Variants in CACHD1 observed in about 807,000 individuals in gnomAD.
CACHD1 encodes VWFA and cache domain-containing protein 1.
In CACHD1, 71 loss-of-function variants were observed where a neutral mutation model predicts 138.7. The observed-to-expected ratio is 0.51, with a 90% confidence interval of 0.42 to 0.62. The LOEUF (loss-of-function observed/expected upper bound fraction) is 0.62, where lower values mean the gene tolerates loss of function less well. Ranked by LOEUF, CACHD1 falls within the 20% of genes least tolerant of loss-of-function variation. The pLI, the probability that CACHD1 is intolerant of heterozygous loss-of-function variation, is 0.00. For missense variants in CACHD1, 1,389 were observed against 1,625.3 expected (o/e 0.85, Z 2.50); for synonymous variants, 578 against 591.5 (o/e 0.98, Z 0.33).
intron 4 of CACHD1, among the ~76,000 whole-genome samples, chr1:64,611,113 A>G (rs1647517165): frequency 6.6e-6 from 1 of 152,156 alleles, no homozygotes; most frequent in Admixed American, 6.5e-5. Flanking sequence ...ACAGAGCACC[A>G]CATCCTGAGG....
At chr1:64,541,839 G>A (rs1313639245) in intron 1 of CACHD1, among the ~76,000 whole-genome samples, 1 of 152,048 alleles carries the variant, frequency 6.6e-6, no homozygotes. Flanking sequence ...ACAGAATGAG[G>A]TGGGAGTTGA....
chr1:64,558,722 A>T (rs12061183), intron 2 of CACHD1, among the ~76,000 whole-genome samples: 9,220 of 152,248 alleles, frequency 0.061, 467 homozygotes, highest in South Asian at 0.2. Context: ...ACCTACAGAA[A>T]GGGAGAAAAT....
intron 2 of CACHD1, among the ~76,000 whole-genome samples, chr1:64,564,520 A>C (rs949384164): frequency 6.6e-6 from 1 of 152,204 alleles, no homozygotes; most frequent in African/African-American, 2.4e-5. Flanking sequence ...AAATATTTAC[A>C]TAAGTCTTTC....
chr1:64,610,534 C>T lies in CACHD1; in HGVS notation c.517+7622C>T, dbSNP rs576739454. Among the ~76,000 whole-genome samples the T allele has an allele frequency of 4.6e-5, 7 of 152,328 alleles. No individual in the cohort carries two copies. In the South Asian group the frequency reaches 1.5e-3, roughly 32 times the overall value. On this transcript the variant is annotated intron_variant, in intron 4 of 26. Coordinates refer to ENST00000651257, the MANE Select transcript of CACHD1 (RefSeq NM_020925.4). ...CATGCAAGTCGAAAATCAAAGAGGG[C>T]AGTCATTAAACTTTAAAGTTCCAAA...
At chr1:64,583,494 A>G (rs369869439) in intron 3 of CACHD1, among the ~76,000 whole-genome samples, 2 of 152,232 alleles carry the variant, frequency 1.3e-5, no homozygotes, top group African/African-American at 4.8e-5. Flanking sequence ...TGAACATTTC[A>G]GTGAAATCAA....
chr1:64,623,552 T>G (rs1647991710), intron 4 of CACHD1, among the ~76,000 whole-genome samples: 1 of 152,162 alleles, frequency 6.6e-6, no homozygotes, highest in South Asian at 2.1e-4. Flanking sequence ...ACTAGGAATC[T>G]CTGCTTTAGG....
At chr1:64,642,764 G>A (rs1453055411) in intron 8 of CACHD1, among the ~76,000 whole-genome samples, 1 of 150,008 alleles carries the variant, frequency 6.7e-6, no homozygotes, top group Non-Finnish European at 1.5e-5. Flanking sequence ...CCGTGTCTTG[G>A]CTGGACACGG....
At chr1:64,606,632 A>C (rs1380589306) in intron 4 of CACHD1, among the ~76,000 whole-genome samples, 1 of 152,242 alleles carries the variant, frequency 6.6e-6, no homozygotes, top group Non-Finnish European at 1.5e-5. Context: ...TACTGAGCCA[A>C]GACTAGACTG....
intron 23 of CACHD1, 117 bp downstream of exon 23, chr1:64,678,427 C>G (rs1443804999): frequency 9.1e-7 from 1 of 1,093,544 alleles, no homozygotes; most frequent in African/African-American, 1.6e-5. Flanking sequence ...TGCTGGTAGT[C>G]TTTAGTTACA....
At position 64,666,048 on chromosome 1, in the gene CACHD1, C is replaced by A; in HGVS notation, c.2277-9C>A. 1.4e-6 allele frequency: 2 copies of A among 1,460,942 alleles called. No individual in the cohort carries two copies. Among genetic ancestry groups the A allele is most frequent in the Non-Finnish European group, 1.9e-6 (2 of 1,063,138 alleles). 90.5% of individuals were successfully genotyped at this position (1,460,942 alleles called of 1,614,324 possible). A position where few individuals can be genotyped will look rare whatever the true frequency, so the allele number is the denominator to read the frequency against. On this transcript the variant is annotated splice_polypyrimidine_tract_variant and intron_variant, in intron 15 of 26. Transcript: ENST00000651257. ...ATAAAATAACATGACTTTCTTTGGT[C>A]TCCATTAGGTATCTCCATGCAGTAG...
At chr1:64,596,004 G>C (rs769921593) in intron 3 of CACHD1, among the ~76,000 whole-genome samples, 1 of 152,164 alleles carries the variant, frequency 6.6e-6, no homozygotes, top group Non-Finnish European at 1.5e-5. Flanking sequence ...TCCAATCTCT[G>C]CAGAGATGGA....
At chr1:64,523,962 A>G (rs1360734457) in intron 1 of CACHD1, among the ~76,000 whole-genome samples, 1 of 152,126 alleles carries the variant, frequency 6.6e-6, no homozygotes, top group African/African-American at 2.4e-5. Context: ...TCTTGCATAG[A>G]ATTGTTATAG....
At chr1:64,529,427 G>T (rs369259863) in intron 1 of CACHD1, among the ~76,000 whole-genome samples, 1 of 151,940 alleles carries the variant, frequency 6.6e-6, no homozygotes, top group Non-Finnish European at 1.5e-5. Flanking sequence ...TCAATACTTC[G>T]CAACCAATCT....
rs761838113 is a variant in CACHD1 at position 64,691,524 on chromosome 1, C to T, written c.3788C>T (p.Ala1263Val). 26 of 1,613,926 alleles carry T rather than the reference C, an allele frequency of 1.6e-5. No homozygotes were observed. The highest frequency in any genetic ancestry group is 3.3e-5 in the Admixed American group (2 of 59,982). ...CTTCATCATAGCCACCACTTACAGG[C>T]GGCCGTCACGGTACACACTGTCGAT... ...PTLHHSHHLQ[A>V]AVTVHTVDAE... The change falls in exon 27 of 27, where the codon GCG (alanine) becomes GTG (valine). Residue 1263 changes from alanine (A) to valine (V), a missense_variant. Ala to Val is a moderately conservative substitution (Grantham distance 64). Around this residue, in one of 5 missense-constraint regions of CACHD1, gnomAD observed 78 missense variants for 76.9 expected, o/e 1.01. Coordinates refer to ENST00000651257, the MANE Select transcript of CACHD1 (RefSeq NM_020925.4).
chr1:64,619,784 A>G (rs923164134), intron 4 of CACHD1, among the ~76,000 whole-genome samples: 3 of 152,136 alleles, frequency 2.0e-5, no homozygotes, highest in Non-Finnish European at 4.4e-5. Context: ...AATATTTGAT[A>G]AGGCAAGAAG....
At chr1:64,660,190 G>A (rs1287184352) in intron 13 of CACHD1, among the ~76,000 whole-genome samples, 1 of 152,184 alleles carries the variant, frequency 6.6e-6, no homozygotes, top group East Asian at 1.9e-4. Context: ...TTCTGTGTGA[G>A]CAAGCTACTG....
In CACHD1 at chr1:64,470,886, C is replaced by T. The variant is rs771889446; in HGVS notation, c.142C>T (p.Leu48=). The stretch of plus-strand genomic sequence containing the variant: ...CTCCATCCTGGACGAGGCGCAAGTG[C>T]TGGCGAGCCAGATGCGGAGGCTGGC... The part of the protein sequence containing the change: ...DFSILDEAQV[L]ASQMRRLAAE... Residue 48 remains leucine (L), a synonymous_variant, in exon 1 of 27, where the codon CTG becomes TTG. Coordinates refer to ENST00000651257, the MANE Select transcript of CACHD1 (RefSeq NM_020925.4). This position sits in a 1 kb window ranked among gnomAD's most constrained non-coding sequence, Gnocchi z 5.2. 5.0e-6 allele frequency: 8 copies of T among 1,608,582 alleles called. No homozygotes were observed. The African/African-American group carries it at 1.1e-4, about 21-fold the overall frequency.
intron 1 of CACHD1, among the ~76,000 whole-genome samples, chr1:64,526,939 C>T (rs894266991): frequency 2.6e-4 from 40 of 152,276 alleles, no homozygotes; most frequent in African/African-American, 8.4e-4. Flanking sequence ...GCCATCTAGC[C>T]AGAGGGTCAT....
Position 64,470,928 on chromosome 1 carries a change from G to T in CACHD1, c.184G>T (p.Val62Phe), listed in dbSNP as rs1270702988. The change falls in exon 1 of 27, where the codon GTC becomes TTC. Residue 62 changes from valine (V) to phenylalanine (F), a missense_variant. Around this residue, in one of 5 missense-constraint regions of CACHD1, gnomAD observed 1,000 missense variants for 1,114.7 expected, o/e 0.90. Coordinates refer to ENST00000651257, the MANE Select transcript of CACHD1 (RefSeq NM_020925.4). This position sits in a 1 kb window ranked among gnomAD's most constrained non-coding sequence, Gnocchi z 5.2. ...GAGGCTGGCGGCCGAGGAGCTGGGG[G>T]TCGTCACCATGCAGGTAAGTGGCCC... ...MRRLAAEELG[V>F]VTMQRIFNSF... The T allele has an allele frequency of 1.6e-5, 26 of 1,604,724 alleles. No individual in the cohort carries two copies. Among genetic ancestry groups the T allele is most frequent in the Non-Finnish European group, 2.0e-5 (24 of 1,175,436 alleles).
Sources: gnomAD v4.1 joint callset for allele counts (sites outside exome capture counted in the v4.1 genomes callset) on GRCh38, gnomAD v4.1.1 for gene constraint, gnomAD v4.1.1 regional missense constraint, Gnocchi (gnomAD v3.1) non-coding constraint, MANE v1.5 for transcripts, NCBI Gene and HGNC (gene_info 2026-07-23, HGNC 2026-07-21) for gene names.